The following TNXB variants were observed in gnomAD, a reference collection of about 807,000 sequenced individuals.
TNXB encodes tenascin-X.
TNXB carries 183 observed loss-of-function variants against 340.5 expected under a neutral mutation model. That is an observed-to-expected ratio of 0.54 (90% CI 0.48 to 0.61). The LOEUF (loss-of-function observed/expected upper bound fraction) is 0.61. Among genes scored for constraint, TNXB ranks in the 20% least tolerant of loss-of-function variants. TNXB has a pLI of 0.00. For synonymous variants in TNXB, 2,121 were observed against 2,314.5 expected, an observed-to-expected ratio of 0.92 and a Z score of 2.40; for missense variants, 4,613 against 5,446.4, an observed-to-expected ratio of 0.85 and a Z score of 4.82.
intron 1 of TNXB, among the ~76,000 whole-genome samples, chr6:32,102,246 G>A (rs1780754605): frequency 6.6e-6 from 1 of 152,138 alleles, no homozygotes; most frequent in African/African-American, 2.4e-5. Context: ...GGTAGTATCT[G>A]CTAAAACATA....
intron 3 of TNXB, 119 bp downstream of exon 3, chr6:32,095,492 C>A: frequency 7.6e-7 from 1 of 1,320,518 alleles, no homozygotes; most frequent in South Asian, 1.4e-5. Context: ...CCCTGGTGGG[C>A]ACTGGCTCCT....
Position 32,071,854 on chromosome 6 carries a change from G to C in TNXB, c.4990+136C>G, listed in dbSNP as rs1476309623. On this transcript the variant is annotated intron_variant, in intron 13 of 43. Coordinates refer to ENST00000644971, the MANE Select transcript of TNXB (RefSeq NM_001365276.2). ...CCCAAAGTGCTGGGATTACAGGCAT[G>C]AGTCACTGTGCTAGCCCCATGTGGC... 1.2e-4 allele frequency: 91 copies of C among 747,898 alleles called. 1 individual carries two copies. The highest frequency in any genetic ancestry group is 1.0e-5 in the Non-Finnish European group (5 of 481,896). 46.3% of individuals were successfully genotyped at this position (747,898 alleles called of 1,614,324 possible).
rs1777097734 is a variant in TNXB, at chr6:32,049,266, T to C, written c.9757+4A>G. 3 of 1,606,978 alleles carry C rather than the reference T, an allele frequency of 1.9e-6. No individual in the cohort carries two copies. The highest frequency in any genetic ancestry group is 2.6e-6 in the Non-Finnish European group (3 of 1,175,936). ...TGGGGACGAGGGCCTGTCCCCCCAC[T>C]CACCCGTGATGCCCACGGTGGACAC... On this transcript the variant is annotated splice_donor_region_variant and intron_variant, in intron 28 of 43. Coordinates refer to ENST00000644971, the MANE Select transcript of TNXB (RefSeq NM_001365276.2). This position sits in a 1 kb window ranked among gnomAD's most constrained non-coding sequence, Gnocchi z 4.5.
In TNXB at chr6:32,072,905, C is replaced by T. The variant is rs570916405; in HGVS notation, c.4682-607G>A. Among the ~76,000 whole-genome samples, 1 of 152,196 alleles carries T rather than the reference C, an allele frequency of 6.6e-6. No individual in the cohort carries two copies. The highest frequency in any genetic ancestry group is 1.9e-4 in the East Asian group (1 of 5,198). ...AGCGGAGGTTGCAGTGAGCCGAGAT[C>T]GCGCCATTGCACTCCAGCCTGGATG... is the stretch of plus-strand genomic sequence containing the variant. On this transcript the variant is annotated intron_variant, in intron 12 of 43. Transcript: ENST00000644971. The surrounding 1 kb of genome is among the most constrained non-coding windows in gnomAD (Gnocchi z 4.4).
Position 32,067,107 on chromosome 6 carries a change from AAGAAAG to A in TNXB, c.6544+548_6544+553del, listed in dbSNP as rs879292681. ...AAGAAAGAAAAGAATGAAAGAAAGA[AAGAAAG>A]AGAAAGAAAGAAAGGAAGGAAGAAA... On this transcript the variant is annotated intron_variant, in intron 18 of 43. Coordinates refer to ENST00000644971, the MANE Select transcript of TNXB (RefSeq NM_001365276.2). This position sits in a 1 kb window ranked among gnomAD's most constrained non-coding sequence, Gnocchi z 4.2. Among the ~76,000 whole-genome samples, 15 of 143,678 alleles carry A rather than the reference AAGAAAG, an allele frequency of 1.0e-4. No homozygotes were observed. Among genetic ancestry groups the A allele is most frequent in the Admixed American group, 2.2e-4 (3 of 13,824 alleles). 94.3% of individuals were successfully genotyped at this position (143,678 alleles called of 152,430 possible). A position where few individuals can be genotyped will look rare whatever the true frequency, so the allele number is the denominator to read the frequency against.
At position 32,046,158 on chromosome 6, in the gene TNXB, A is replaced by C. The variant is rs1776853128; in HGVS notation, c.10606+17T>G. On this transcript the variant is annotated intron_variant, in intron 31 of 43. Coordinates refer to ENST00000644971, the MANE Select transcript of TNXB (RefSeq NM_001365276.2). The surrounding 1 kb of genome is among the most constrained non-coding windows in gnomAD (Gnocchi z 6.9). ...CCACACAAGCTGGCTTGCTATAGCC[A>C]GGCACAGCAGCCTCACCTGTCATTC... The C allele has an allele frequency of 2.5e-6, 4 of 1,575,300 alleles. No homozygotes were observed. Among genetic ancestry groups the C allele is most frequent in the Non-Finnish European group, 3.5e-6 (4 of 1,154,958 alleles).
At chr6:32,100,054 C>T (rs1229226210) in intron 1 of TNXB, among the ~76,000 whole-genome samples, 1 of 149,732 alleles carries the variant, frequency 6.7e-6, no homozygotes, top group East Asian at 2.0e-4. Flanking sequence ...AAAGCAATAT[C>T]TTTCATAGCA....
Position 32,062,209 on chromosome 6 carries a change from G to A in TNXB, c.7116C>T (p.Tyr2372=), listed in dbSNP as rs368613736. The change falls in exon 20 of 44, where the codon TAC becomes TAT. Residue 2372 remains tyrosine (Y), a synonymous_variant. Coordinates refer to ENST00000644971, the MANE Select transcript of TNXB (RefSeq NM_001365276.2). The surrounding 1 kb of genome is among the most constrained non-coding windows in gnomAD (Gnocchi z 4.3). ...EPDNKYKMNL[Y]GFHGGQRVGP... is the part of the protein sequence containing the mutation. ...CCACACGCTGGCCACCGTGGAAGCC[G>A]TACAGGTTCATCTTGTACTTGTTGT... is the stretch of plus-strand genomic sequence containing the variant. 7.9e-5 allele frequency: 127 copies of A among 1,613,134 alleles called. No individual in the cohort carries two copies. Among genetic ancestry groups the A allele is most frequent in the Admixed American group, 7.0e-4 (42 of 60,022 alleles).
rs1464255339 is a variant in TNXB, at chr6:32,056,871, T to G, written c.7858A>C (p.Thr2620Pro). ...TTGATGGGGGGCTCAGGGGTCATGG[T>G]AGGCACTGCTTGGGTGGTCTCGGCT... Reference protein sequence around the residue: ...DEAETTQAVPTMTPEPPIKPR... With the variant: ...DEAETTQAVPPMTPEPPIKPR... The change falls in exon 23 of 44, where the codon ACC becomes CCC. Residue 2620 changes from threonine (T) to proline (P), a missense_variant. Coordinates refer to ENST00000644971, the MANE Select transcript of TNXB (RefSeq NM_001365276.2). 3.2e-5 allele frequency: 52 copies of G among 1,612,558 alleles called. No homozygotes were observed. Among genetic ancestry groups the G allele is most frequent in the Non-Finnish European group, 4.3e-5 (51 of 1,179,672 alleles).
Position 32,072,242 on chromosome 6 carries a change from G to A in TNXB, c.4738C>T (p.Leu1580=). 6 of 1,610,352 alleles carry A rather than the reference G, an allele frequency of 3.7e-6. No individual in the cohort carries two copies. The highest frequency in any genetic ancestry group is 5.1e-6 in the Non-Finnish European group (6 of 1,178,662). Residue 1580 remains leucine, a synonymous_variant, in exon 13 of 44, where the codon CTA becomes TTA. Coordinates refer to ENST00000644971, the MANE Select transcript of TNXB (RefSeq NM_001365276.2). The surrounding 1 kb of genome is among the most constrained non-coding windows in gnomAD (Gnocchi z 4.4). The stretch of plus-strand genomic sequence containing the variant: ...ATATCCGTCACTGTCAGCTCCCCTA[G>A]GCGTGGCTCCAGGGGAGGCTTGGAG... ...EASKPPLEPR[L]GELTVTDITP...
chr6:32,062,556 T>TA lies in TNXB; in HGVS notation c.6842-74dup, dbSNP rs1219212201. On this transcript the variant is annotated intron_variant, in intron 19 of 43. Coordinates refer to ENST00000644971, the MANE Select transcript of TNXB (RefSeq NM_001365276.2). The surrounding 1 kb of genome is among the most constrained non-coding windows in gnomAD (Gnocchi z 4.3). ...TAACCAAGGGACTCTGGGATTCTCT[T>TA]AGACACACCAAGGGCCCACAGTCTG... is the stretch of plus-strand genomic sequence containing the variant. 1.4e-6 allele frequency: 2 copies of TA among 1,401,794 alleles called. No individual in the cohort carries two copies. Among genetic ancestry groups the TA allele is most frequent in the Non-Finnish European group, 1.9e-6 (2 of 1,042,070 alleles). The allele number at this position is 1,401,794 out of a possible 1,614,324, so 86.8% of individuals were successfully genotyped here.
At chr6:32,048,120 C>T (rs1777018919) in intron 29 of TNXB, 108 bp from the exon 30 acceptor site, 1 of 1,373,406 alleles carries the variant, frequency 7.3e-7, no homozygotes, top group African/African-American at 1.4e-5. Flanking sequence ...GGGAGGGTGA[C>T]TGGGCCAGGA....
chr6:32,050,577 G>A (rs566047346), intron 26 of TNXB, among the ~76,000 whole-genome samples: 1 of 138,060 alleles, frequency 7.2e-6, no homozygotes, highest in African/African-American at 2.7e-5. Context: ...CCTCTCTTTT[G>A]AGCACAGCTC....
At position 32,053,572 on chromosome 6, in the gene TNXB, G is replaced by GT. The variant is rs2151897511; in HGVS notation, c.8606_8607insA (p.Gln2870ProfsTer3). 1.2e-6 allele frequency: 2 copies of GT among 1,613,602 alleles called. No homozygotes were observed. The highest frequency in any genetic ancestry group is 1.7e-6 in the Non-Finnish European group (2 of 1,179,870). On this transcript the variant is annotated frameshift_variant, in exon 25 of 44. Coordinates refer to ENST00000644971, the MANE Select transcript of TNXB (RefSeq NM_001365276.2). LOFTEE classifies it high-confidence loss of function. ...ACTGGACCAGGAAGTGGTCAAACTG[G>GT]CCCTCGGGGACCATCCAGGACAGGC...
rs1419658200 is a variant in TNXB at position 32,097,006 on chromosome 6, C to T, written c.847G>A (p.Gly283Ser). 1 of 1,613,370 alleles carries T rather than the reference C, an allele frequency of 6.2e-7. No homozygotes were observed. Among genetic ancestry groups the T allele is most frequent in the Admixed American group, 1.7e-5 (1 of 59,966 alleles). ...TCACAGCGCCCCCTCTGACTGCAAC[C>T]GCGAGGGCAGCTCCTCATGCCACAG... is the stretch of plus-strand genomic sequence containing the variant. The part of the protein sequence containing the change: ...DDCGMRSCPR[G>S]CSQRGRCENG... The change falls in exon 3 of 44, where the codon GGT (glycine) becomes AGT (serine). Residue 283 changes from glycine (G) to serine (S), a missense_variant. By Grantham distance (56) the Gly-to-Ser change is moderately conservative (BLOSUM62 0). This residue lies in a region of TNXB where 4,327 missense variants were observed against 4,859.4 expected (regional missense o/e 0.89). Coordinates refer to ENST00000644971, the MANE Select transcript of TNXB (RefSeq NM_001365276.2). The surrounding 1 kb of genome is among the most constrained non-coding windows in gnomAD (Gnocchi z 5.9).
rs757548390 is a variant in TNXB at position 32,046,340 on chromosome 6, C to T, written c.10441G>A (p.Val3481Ile). 3 of 1,605,650 alleles carry T rather than the reference C, an allele frequency of 1.9e-6. No homozygotes were observed. Among genetic ancestry groups the T allele is most frequent in the African/African-American group, 1.3e-5 (1 of 75,018 alleles). ...TGCCCGTCCGTGTCCCTGTACTGGA[C>T]CACGAAGGAGTCAAAGGGGCCCTGG... Reference protein sequence around the residue: ...VAQGPFDSFVVQYRDTDGQPR... With the variant: ...VAQGPFDSFVIQYRDTDGQPR... Residue 3481 changes from valine to isoleucine, a missense_variant, in exon 31 of 44, where the codon GTC becomes ATC. Physicochemically the swap from Val to Ile is conservative, Grantham distance 29. Around this residue, in one of 7 missense-constraint regions of TNXB, gnomAD observed 4,327 missense variants for 4,859.4 expected, o/e 0.89. Transcript: ENST00000644971. The surrounding 1 kb of genome is among the most constrained non-coding windows in gnomAD (Gnocchi z 6.9).
intron 24 of TNXB, among the ~76,000 whole-genome samples, chr6:32,054,965 A>G (rs1202731015): frequency 1.3e-5 from 2 of 152,162 alleles, no homozygotes; most frequent in Admixed American, 6.5e-5. Flanking sequence ...GTCTGTGATC[A>G]TGTCTCAGTA....
chr6:32,068,556 C>G lies in TNXB; in HGVS notation c.6054G>C (p.Leu2018=). The change falls in exon 17 of 44, where the codon CTG becomes CTC. Residue 2018 remains leucine, a synonymous_variant. Transcript: ENST00000644971. The surrounding 1 kb of genome is among the most constrained non-coding windows in gnomAD (Gnocchi z 5.3). The part of the protein sequence containing the change: ...TVPEGQFDHF[L]VQYRNGDGQP... ...GCCCATCTCCATTCCTGTACTGGAC[C>G]AGGAAGTGGTCAAACTGTCCCTCGG... 1 of 1,613,994 alleles carries G rather than the reference C, an allele frequency of 6.2e-7. No individual in the cohort carries two copies. The highest frequency in any genetic ancestry group is 2.2e-5 in the East Asian group (1 of 44,888).
Position 32,048,618 on chromosome 6 carries a change from G to A in TNXB, c.9790C>T (p.Arg3264Cys), listed in dbSNP as rs535345246. 1.3e-4 allele frequency: 202 copies of A among 1,522,280 alleles called. 1 individual carries two copies. The South Asian group carries it at 2.2e-3, about 16-fold the overall frequency. The allele number at this position is 1,522,280 out of a possible 1,614,324, so 94.3% of individuals were successfully genotyped here. A position where few individuals can be genotyped will look rare whatever the true frequency, so the allele number is the denominator to read the frequency against. Residue 3264 changes from arginine to cysteine, a missense_variant, in exon 29 of 44, where the codon CGC becomes TGC. Physicochemically the swap from Arg to Cys is radical, Grantham distance 180 (BLOSUM62 -3). Transcript: ENST00000644971. ...GCCGCCACCGCCAGCTCCCCCAGGC[G>A]GGGCTCCACCGGCAGTGGTGTGGGC... ...PLPTPLPVEP[R>C]LGELAVAAVT...
Sources: gnomAD v4.1 joint callset for allele counts (sites outside exome capture counted in the v4.1 genomes callset) on GRCh38, gnomAD v4.1.1 for gene constraint, gnomAD v4.1.1 regional missense constraint, Gnocchi (gnomAD v3.1) non-coding constraint, MANE v1.5 for transcripts, NCBI Gene and HGNC (gene_info 2026-07-23, HGNC 2026-07-21) for gene names.